The following IL26 variants were observed in gnomAD, a reference collection of about 807,000 sequenced individuals.
The protein encoded by IL26 is interleukin 26, also known as interleukin-26.
In IL26, 23 loss-of-function variants were observed where a neutral mutation model predicts 21.7. The ratio of observed to expected loss-of-function variants is 1.06; its 90% confidence interval spans 0.76 to 1.50. IL26 has a LOEUF of 1.50. Among genes scored for constraint, IL26 ranks in the 40% most tolerant of loss-of-function variants. The pLI, the probability that IL26 is intolerant of heterozygous loss-of-function variation, is 0.00. For missense variants in IL26, 204 were observed against 196.0 expected (o/e 1.04, Z -0.24); for synonymous variants, 63 against 67.8 (o/e 0.93, Z 0.34).
chr12:68,204,230 A>AC (rs1868469655), intron 3 of IL26, among the ~76,000 whole-genome samples: 1 of 132,604 alleles, frequency 7.5e-6, no homozygotes, highest in African/African-American at 2.9e-5. Context: ...TGCAAGCTCC[A>AC]CCCCCGGGGT....
chr12:68,207,894 T>G (rs1044190699), intron 3 of IL26, among the ~76,000 whole-genome samples: 1 of 151,864 alleles, frequency 6.6e-6, no homozygotes, highest in Non-Finnish European at 1.5e-5. Flanking sequence ...TTTTATGCAT[T>G]AATGACATAT....
intron 3 of IL26, among the ~76,000 whole-genome samples, chr12:68,208,746 C>T (rs1202131903): frequency 6.6e-6 from 1 of 152,072 alleles, no homozygotes; most frequent in Admixed American, 6.6e-5. Flanking sequence ...AGTGATCCAC[C>T]CGCCTCTGCC....
intron 3 of IL26, among the ~76,000 whole-genome samples, chr12:68,222,805 G>A (rs1002376108): frequency 2.0e-5 from 3 of 152,132 alleles, no homozygotes; most frequent in African/African-American, 7.2e-5. Flanking sequence ...CAATAGTACG[G>A]ACGGCAGGGG....
At chr12:68,223,086 G>A (rs1286846217) in intron 3 of IL26, among the ~76,000 whole-genome samples, 2 of 151,932 alleles carry the variant, frequency 1.3e-5, no homozygotes, top group African/African-American at 4.9e-5. Flanking sequence ...CACCAGGCCA[G>A]TTACCTTTTC....
chr12:68,219,520 G>A (rs888688425), intron 3 of IL26, among the ~76,000 whole-genome samples: 1 of 151,774 alleles, frequency 6.6e-6, no homozygotes, highest in African/African-American at 2.4e-5. Context: ...ATTGTGAAAT[G>A]TAACTAAAGA....
At chr12:68,215,484 G>A (rs2120454799) in intron 3 of IL26, among the ~76,000 whole-genome samples, 1 of 152,172 alleles carries the variant, frequency 6.6e-6, no homozygotes, top group South Asian at 2.1e-4. Flanking sequence ...TTTGTTTTTG[G>A]TTTTCAGGAT....
chr12:68,214,985 C>A (rs1486411650), intron 3 of IL26, among the ~76,000 whole-genome samples: 1 of 149,854 alleles, frequency 6.7e-6, no homozygotes, highest in Non-Finnish European at 1.5e-5. Context: ...TTTTGTTGCT[C>A]TTAATTTTTA....
Position 68,201,734 on chromosome 12 carries a change from G to T in IL26, c.*111C>A, listed in dbSNP as rs945240543. On this transcript the variant is annotated 3_prime_UTR_variant, in exon 5 of 5. Transcript: ENST00000229134. ...TCTATTCTGAATCACCTAACATGCC[G>T]TCAGTATTATGTTAAAAAGTTTTTA... 3.2e-6 allele frequency: 2 copies of T among 616,480 alleles called. No individual in the cohort carries two copies. Among genetic ancestry groups the T allele is most frequent in the African/African-American group, 3.8e-5 (2 of 53,092 alleles). 38.2% of individuals were successfully genotyped at this position (616,480 alleles called of 1,614,324 possible). A position where few individuals can be genotyped will look rare whatever the true frequency, so the allele number is the denominator to read the frequency against.
chr12:68,220,702 T>C (rs1869019949), intron 3 of IL26, among the ~76,000 whole-genome samples: 2 of 152,362 alleles, frequency 1.3e-5, no homozygotes, highest in Non-Finnish European at 1.5e-5. Context: ...AGTGGTGCGG[T>C]CTTGGCTCAC....
intron 4 of IL26, 27 bp from the exon 5 acceptor site, chr12:68,201,958 A>G (rs1028425740): frequency 1.5e-5 from 23 of 1,565,998 alleles, no homozygotes; most frequent in Non-Finnish European, 1.8e-5. Flanking sequence ...GATATAAGAG[A>G]ATAAATTTTT....
chr12:68,224,424 T>C (rs1393094924), intron 3 of IL26, among the ~76,000 whole-genome samples: 2 of 152,090 alleles, frequency 1.3e-5, no homozygotes, highest in Non-Finnish European at 2.9e-5. Flanking sequence ...GCTATGACAG[T>C]GACCATACTG....
intron 3 of IL26, among the ~76,000 whole-genome samples, chr12:68,206,812 A>G (rs1733293430): frequency 6.6e-6 from 1 of 152,156 alleles, no homozygotes; most frequent in Non-Finnish European, 1.5e-5. Flanking sequence ...CTTCCTTCCC[A>G]GTGATTGTTT....
At chr12:68,223,311 C>A (rs1869115733) in intron 3 of IL26, among the ~76,000 whole-genome samples, 1 of 152,102 alleles carries the variant, frequency 6.6e-6, no homozygotes, top group South Asian at 2.1e-4. Flanking sequence ...TCGTATTTGG[C>A]CACAGGAGGG....
intron 3 of IL26, among the ~76,000 whole-genome samples, chr12:68,217,216 G>A (rs1868909756): frequency 6.6e-6 from 1 of 152,178 alleles, no homozygotes; most frequent in African/African-American, 2.4e-5. Flanking sequence ...TCCAAATACA[G>A]TGGTACTGGG....
chr12:68,209,802 T>G (rs1311134054), intron 3 of IL26, among the ~76,000 whole-genome samples: 2 of 152,148 alleles, frequency 1.3e-5, no homozygotes, highest in African/African-American at 2.4e-5. Flanking sequence ...GACAGCTACA[T>G]GTGTCACGGT....
chr12:68,218,129 G>A (rs1438587181), intron 3 of IL26, among the ~76,000 whole-genome samples: 3 of 151,916 alleles, frequency 2.0e-5, no homozygotes, highest in Non-Finnish European at 4.4e-5. Context: ...AATATTTACA[G>A]AAATATAAAA....
At chr12:68,218,260 C>A (rs1868947160) in intron 3 of IL26, among the ~76,000 whole-genome samples, 1 of 151,934 alleles carries the variant, frequency 6.6e-6, no homozygotes, top group South Asian at 2.1e-4. Flanking sequence ...CAATTGAAAC[C>A]AACCCAGAGT....
intron 3 of IL26, among the ~76,000 whole-genome samples, chr12:68,204,558 C>T (rs1868480845): frequency 6.6e-6 from 1 of 152,186 alleles, no homozygotes; most frequent in African/African-American, 2.4e-5. Context: ...ACCTGGGAAA[C>T]TTGGATGTGC....
chr12:68,211,806 T>C (rs1275467165), intron 3 of IL26, among the ~76,000 whole-genome samples: 1 of 152,210 alleles, frequency 6.6e-6, no homozygotes, highest in Non-Finnish European at 1.5e-5. Flanking sequence ...GTTGCAAATA[T>C]TTTTTCCGAT....
Sources: allele counts gnomAD v4.1 joint callset (sites outside exome capture counted in the v4.1 genomes callset), GRCh38; gene constraint gnomAD v4.1.1; transcripts MANE v1.5; gene names NCBI Gene and HGNC (gene_info 2026-07-23, HGNC 2026-07-21).